The following TM9SF3 variants were observed in gnomAD, a reference collection of about 807,000 sequenced individuals.
TM9SF3 encodes the protein transmembrane 9 superfamily member 3.
TM9SF3 carries 14 observed loss-of-function variants against 78.6 expected under a neutral mutation model. The ratio of observed to expected loss-of-function variants is 0.18; its 90% CI spans 0.12 to 0.28. TM9SF3 has a LOEUF of 0.28. TM9SF3 is among the 10% of genes least tolerant of loss of function. TM9SF3 has a pLI of 1.00. For synonymous variants in TM9SF3, 231 were observed against 241.7 expected (o/e 0.96, Z 0.41); for missense variants, 496 against 721.9 (o/e 0.69, Z 3.59).
rs564956527 is a variant in TM9SF3 at position 96,558,674 on chromosome 10, A to C, written c.660+985T>G. Among the ~76,000 whole-genome samples, 127 of 152,118 alleles carry C rather than the reference A, an allele frequency of 8.3e-4. 4 individuals carry two copies. The South Asian group carries it at 0.026, about 31-fold the overall frequency. On this transcript the variant is annotated intron_variant, in intron 5 of 14. Transcript: ENST00000371142. ...AAAAAAAAAAAAGACTAAATTCCAA[A>C]TAGCTTAATTGTTAAAATCTCTGAC...
chr10:96,519,890 C>T lies in TM9SF3; in HGVS notation c.*2373G>A, dbSNP rs902861185. 3 of 151,870 alleles carry T rather than the reference C, an allele frequency of 2.0e-5. No individual in the cohort carries two copies. The highest frequency in any genetic ancestry group is 6.6e-5 in the Admixed American group (1 of 15,236). The allele number at this position is 151,870 out of a possible 1,614,324, so 9.4% of individuals were successfully genotyped here. A position where few individuals can be genotyped will look rare whatever the true frequency, so the allele number is the denominator to read the frequency against. ...AAAGGTGATTAATATTCATTTAATGCTCTTAATGTATTTGGAAATCAGAAA... is the reference window on the plus strand; with the variant it reads ...AAAGGTGATTAATATTCATTTAATGTTCTTAATGTATTTGGAAATCAGAAA... On this transcript the variant is annotated 3_prime_UTR_variant, in exon 15 of 15. Coordinates refer to ENST00000371142, the MANE Select transcript of TM9SF3 (RefSeq NM_020123.4).
At chr10:96,544,279 T>C (rs1037059404) in intron 8 of TM9SF3, 73 bp from the exon 9 acceptor site, 2 of 1,307,708 alleles carry the variant, frequency 1.5e-6, no homozygotes, top group Non-Finnish European at 1.0e-6. Flanking sequence ...AATTTTAATA[T>C]AAAGATCATG....
At chr10:96,575,070 T>TA (rs879589541) in intron 2 of TM9SF3, among the ~76,000 whole-genome samples, 2,946 of 143,538 alleles carry the variant, frequency 0.021, 81 homozygotes, top group African/African-American at 0.065. Context: ...CTTAAAGTAT[T>TA]AAAAAAAAAA....
At chr10:96,552,185 CT>C (rs1848178695) in intron 6 of TM9SF3, among the ~76,000 whole-genome samples, 1 of 152,104 alleles carries the variant, frequency 6.6e-6, no homozygotes, top group Non-Finnish European at 1.5e-5. Flanking sequence ...GGCACGGTGG[CT>C]CACACCTATA....
Position 96,544,158 on chromosome 10 carries a change from G to C in TM9SF3, c.1103C>G (p.Ala368Gly), listed in dbSNP as rs1589451352. 6.2e-7 allele frequency: 1 copy of C among 1,612,976 alleles called. No individual in the cohort carries two copies. The highest frequency in any genetic ancestry group is 1.7e-4 in the Middle Eastern group (1 of 6,054). Residue 368 changes from alanine (A) to glycine (G), a missense_variant, in exon 9 of 15, where the codon GCT (alanine) becomes GGT (glycine). Physicochemically the swap from Ala to Gly is moderately conservative, Grantham distance 60. Around this residue, in one of 4 missense-constraint regions of TM9SF3, gnomAD observed 280 missense variants for 422.6 expected, o/e 0.66. Transcript: ENST00000371142. ...GAAGAAGGCAGTGCCACACACCATA[G>C]CTGGGATAAGGAATGCCCCAATAAA... is the stretch of plus-strand genomic sequence containing the variant. Reference protein sequence around the residue: ...QMFIGAFLIPAMVCGTAFFIN... With the variant: ...QMFIGAFLIPGMVCGTAFFIN...
In TM9SF3 at chr10:96,520,766, C is replaced by T. The variant is rs1847757115; in HGVS notation, c.*1497G>A. 2.5e-6 allele frequency: 1 copy of T among 394,316 alleles called. No homozygotes were observed. Among genetic ancestry groups the T allele is most frequent in the Non-Finnish European group, 4.5e-6 (1 of 222,858 alleles). 24.4% of individuals were successfully genotyped at this position (394,316 alleles called of 1,614,324 possible). A position where few individuals can be genotyped will look rare whatever the true frequency, so the allele number is the denominator to read the frequency against. On this transcript the variant is annotated 3_prime_UTR_variant, in exon 15 of 15. Transcript: ENST00000371142. ...ACTTTACACGGTACACCAACCTGAA[C>T]AGATTTTGTGCCACAATTTCATTCA... is the stretch of plus-strand genomic sequence containing the variant.
chr10:96,553,377 CAT>C (rs1848197030), intron 5 of TM9SF3, among the ~76,000 whole-genome samples: 1 of 152,158 alleles, frequency 6.6e-6, no homozygotes, highest in Admixed American at 6.5e-5. Flanking sequence ...ATGGAAAAAA[CAT>C]GGGCTCTGGA....
intron 11 of TM9SF3, among the ~76,000 whole-genome samples, chr10:96,528,853 C>T (rs1847866357): frequency 6.6e-6 from 1 of 151,986 alleles, no homozygotes; most frequent in African/African-American, 2.4e-5. Context: ...TTATAAAGAC[C>T]CTTAATGGCC....
intron 12 of TM9SF3, 134 bp downstream of exon 12, chr10:96,527,897 G>T: frequency 1.2e-6 from 1 of 859,552 alleles, no homozygotes; most frequent in Non-Finnish European, 1.7e-6. Context: ...TTTTATAACT[G>T]GAAAAAAATC....
At chr10:96,524,946 G>C (rs1472075736) in intron 14 of TM9SF3, among the ~76,000 whole-genome samples, 1 of 151,920 alleles carries the variant, frequency 6.6e-6, no homozygotes, top group East Asian at 1.9e-4. Flanking sequence ...GCAGGGAACT[G>C]TAAATGTGCC....
intron 1 of TM9SF3, among the ~76,000 whole-genome samples, chr10:96,577,295 T>C (rs959715849): frequency 6.6e-6 from 1 of 151,424 alleles, no homozygotes; most frequent in African/African-American, 2.4e-5. Context: ...TTTCATCTCC[T>C]TGCGAGACTT....
chr10:96,556,882 A>G (rs190067149), intron 5 of TM9SF3, among the ~76,000 whole-genome samples: 1 of 152,258 alleles, frequency 6.6e-6, no homozygotes, highest in African/African-American at 2.4e-5. Flanking sequence ...TCCAATAGTC[A>G]CTTTTCAGTG....
chr10:96,551,639 CAAAT>C (rs1848171381), intron 6 of TM9SF3, among the ~76,000 whole-genome samples: 1 of 152,090 alleles, frequency 6.6e-6, no homozygotes, highest in African/African-American at 2.4e-5. Context: ...CAGAGAATCT[CAAAT>C]AACGGAAAAA....
At chr10:96,533,912 T>C (rs1328876290) in intron 9 of TM9SF3, among the ~76,000 whole-genome samples, 3 of 152,222 alleles carry the variant, frequency 2.0e-5, no homozygotes, top group African/African-American at 7.2e-5. Flanking sequence ...TTTTTCTTTA[T>C]AAAATCAGCT....
intron 14 of TM9SF3, among the ~76,000 whole-genome samples, chr10:96,525,548 T>C (rs1466235640): frequency 6.6e-6 from 1 of 152,012 alleles, no homozygotes; most frequent in African/African-American, 2.4e-5. Flanking sequence ...TGTCCATAAA[T>C]GTCATACCAA....
At chr10:96,533,438 G>GATC (rs1847920217) in intron 9 of TM9SF3, among the ~76,000 whole-genome samples, 1 of 152,056 alleles carries the variant, frequency 6.6e-6, no homozygotes, top group South Asian at 2.1e-4. Context: ...TATTCTTCCA[G>GATC]ACTATCTCTG....
chr10:96,586,607 C>T (rs1272767202), intron 1 of TM9SF3, 127 bp downstream of exon 1: 2 of 775,042 alleles, frequency 2.6e-6, no homozygotes, highest in Non-Finnish European at 3.4e-6. Flanking sequence ...CAGGCCCAAC[C>T]GGAAGGAGTC....
intron 10 of TM9SF3, among the ~76,000 whole-genome samples, chr10:96,532,834 T>C (rs780656499): frequency 6.6e-6 from 1 of 152,188 alleles, no homozygotes; most frequent in African/African-American, 2.4e-5. Flanking sequence ...GACTTAACTC[T>C]AAATGGCACG....
At chr10:96,561,310 A>T (rs1274403382) in intron 4 of TM9SF3, among the ~76,000 whole-genome samples, 1 of 152,216 alleles carries the variant, frequency 6.6e-6, no homozygotes, top group African/African-American at 2.4e-5. Flanking sequence ...TACAACTATA[A>T]AATTTTTTCA....
Sources: allele counts gnomAD v4.1 joint callset (sites outside exome capture counted in the v4.1 genomes callset), GRCh38; gene constraint gnomAD v4.1.1; regional missense constraint gnomAD v4.1.1; transcripts MANE v1.5; gene names NCBI Gene and HGNC (gene_info 2026-07-23, HGNC 2026-07-21).